Variants in LHFPL6 observed in about 807,000 individuals in gnomAD.
LHFPL6 encodes LHFPL tetraspan subfamily member 6 protein.
LHFPL6 carries 9 observed loss-of-function variants against 20.6 expected under a neutral mutation model. The observed-to-expected ratio is 0.44, with a 90% CI of 0.26 to 0.76. The LOEUF (loss-of-function observed/expected upper bound fraction) is 0.76, where lower values mean the gene tolerates loss of function less well. Among genes scored for constraint, LHFPL6 ranks in the 30% least tolerant of loss-of-function variants. The pLI, the probability that LHFPL6 is intolerant of heterozygous loss-of-function variation, is 0.20. For synonymous variants in LHFPL6, 105 were observed against 98.7 expected, an observed-to-expected ratio of 1.06 and a Z score of -0.38; for missense variants, 218 against 253.5, an observed-to-expected ratio of 0.86 and a Z score of 0.95.
intron 2 of LHFPL6, among the ~76,000 whole-genome samples, chr13:39,397,792 T>C (rs1264851009): frequency 1.3e-5 from 2 of 152,194 alleles, no homozygotes; most frequent in Non-Finnish European, 2.9e-5. Context: ...ATTTCCGTTG[T>C]CTTCCTTTTG....
At chr13:39,546,137 C>A (rs540170934) in intron 2 of LHFPL6, among the ~76,000 whole-genome samples, 1 of 151,994 alleles carries the variant, frequency 6.6e-6, no homozygotes, top group Admixed American at 6.6e-5. Flanking sequence ...CCATGGTAAG[C>A]CCCCAATAAA....
intron 2 of LHFPL6, among the ~76,000 whole-genome samples, chr13:39,400,265 G>A (rs1870951167): frequency 6.6e-6 from 1 of 152,050 alleles, no homozygotes; most frequent in African/African-American, 2.4e-5. Flanking sequence ...TACTAACTTG[G>A]AAAAAACACT....
intron 2 of LHFPL6, among the ~76,000 whole-genome samples, chr13:39,452,425 G>C (rs768927400): frequency 6.6e-6 from 1 of 152,186 alleles, no homozygotes; most frequent in Non-Finnish European, 1.5e-5. Flanking sequence ...CTTCAACTTA[G>C]AGAAGAGAAA....
At chr13:39,384,939 C>A (rs999360479) in intron 2 of LHFPL6, among the ~76,000 whole-genome samples, 1 of 152,132 alleles carries the variant, frequency 6.6e-6, no homozygotes, top group Non-Finnish European at 1.5e-5. Flanking sequence ...AGTCAGCAAC[C>A]AGAGGAAGGT....
At chr13:39,389,592 GT>G in intron 2 of LHFPL6, among the ~76,000 whole-genome samples, 1 of 152,236 alleles carries the variant, frequency 6.6e-6, no homozygotes, top group African/African-American at 2.4e-5. Flanking sequence ...CAGGGCCAGT[GT>G]GAACAAAGCC....
chr13:39,522,402 A>T (rs1418259382), intron 2 of LHFPL6, among the ~76,000 whole-genome samples: 1 of 151,618 alleles, frequency 6.6e-6, no homozygotes, highest in East Asian at 1.9e-4. Context: ...CACTGTTGTT[A>T]GCATGGCCAA....
chr13:39,490,031 G>A (rs1210655553), intron 2 of LHFPL6, among the ~76,000 whole-genome samples: 2 of 152,070 alleles, frequency 1.3e-5, no homozygotes, highest in African/African-American at 2.4e-5. Flanking sequence ...AATCCAAACT[G>A]CTATTCTTTT....
At chr13:39,595,214 C>T (rs1345100812) in intron 2 of LHFPL6, among the ~76,000 whole-genome samples, 1 of 152,178 alleles carries the variant, frequency 6.6e-6, no homozygotes. Context: ...ATTAATTCCT[C>T]AACATCCTTG....
chr13:39,601,173 A>AGCAAAGCCCAGATG lies in LHFPL6; in HGVS notation c.43_44insCATCTGGGCTTTGC (p.Leu15ProfsTer52). 6.2e-7 allele frequency: 1 copy of AGCAAAGCCCAGATG among 1,614,030 alleles called. No homozygotes were observed. Among genetic ancestry groups the AGCAAAGCCCAGATG allele is most frequent in the Non-Finnish European group, 8.5e-7 (1 of 1,179,986 alleles). ...GGAGGTGGCAGCACAAAGAAAAGAC[A>AGCAAAGCCCAGATG]GCAAAGCCCAGATTACTCCAGTACA... On this transcript the variant is annotated frameshift_variant, in exon 2 of 4. Transcript: ENST00000379589. LOFTEE classifies it high-confidence loss of function.
chr13:39,352,598 T>C (rs1593281553), intron 3 of LHFPL6, among the ~76,000 whole-genome samples: 1 of 152,190 alleles, frequency 6.6e-6, no homozygotes, highest in East Asian at 1.9e-4. Context: ...TGAGCACCCA[T>C]AATGCCTTGT....
intron 2 of LHFPL6, among the ~76,000 whole-genome samples, chr13:39,588,918 T>C (rs1872528669): frequency 6.6e-6 from 1 of 152,208 alleles, no homozygotes; most frequent in Admixed American, 6.5e-5. Context: ...AAAATGAAAC[T>C]TTCTTTTTTA....
intron 2 of LHFPL6, among the ~76,000 whole-genome samples, chr13:39,386,156 T>C (rs1453217007): frequency 6.6e-6 from 1 of 152,252 alleles, no homozygotes; most frequent in Non-Finnish European, 1.5e-5. Flanking sequence ...TCTGAACTTC[T>C]CTTTGGAAGA....
intron 2 of LHFPL6, among the ~76,000 whole-genome samples, chr13:39,415,513 A>C (rs999803506): frequency 9.6e-5 from 14 of 145,874 alleles, no homozygotes; most frequent in South Asian, 2.2e-4. Flanking sequence ...AAAAAAAAAA[A>C]CAAAAAACAA....
At chr13:39,578,366 A>G (rs933558706) in intron 2 of LHFPL6, among the ~76,000 whole-genome samples, 4 of 152,230 alleles carry the variant, frequency 2.6e-5, no homozygotes, top group Admixed American at 2.6e-4. Context: ...GAGTGCAACT[A>G]AAGTAGGAAC....
At chr13:39,408,156 A>G (rs1340849215) in intron 2 of LHFPL6, among the ~76,000 whole-genome samples, 1 of 152,256 alleles carries the variant, frequency 6.6e-6, no homozygotes, top group Non-Finnish European at 1.5e-5. Flanking sequence ...AGTGTCAAAA[A>G]CTATTGAATA....
intron 2 of LHFPL6, among the ~76,000 whole-genome samples, chr13:39,539,247 A>G (rs953602205): frequency 1.3e-5 from 2 of 152,084 alleles, no homozygotes; most frequent in Admixed American, 1.3e-4. Flanking sequence ...ATGGTTTCAT[A>G]TTATCTGCCA....
At chr13:39,383,326 G>A (rs1187650029) in intron 2 of LHFPL6, among the ~76,000 whole-genome samples, 1 of 152,204 alleles carries the variant, frequency 6.6e-6, no homozygotes, top group Non-Finnish European at 1.5e-5. Context: ...AGTGGAGAGG[G>A]AGCACAGGTC....
In LHFPL6 at chr13:39,593,699, T is replaced by C. The variant is rs373210019; in HGVS notation, c.385+7133A>G. ...AAGAACAAAGCTGGAGGCATCACAC[T>C]ACCTGACTTCAAACTATACTACAAG... On this transcript the variant is annotated intron_variant, in intron 2 of 3. Transcript: ENST00000379589. Among the ~76,000 whole-genome samples, 25 of 152,244 alleles carry C rather than the reference T, an allele frequency of 1.6e-4. 1 individual carries two copies. The East Asian group carries it at 1.9e-3, about 12-fold the overall frequency.
At chr13:39,569,452 A>G (rs1871843563) in intron 2 of LHFPL6, among the ~76,000 whole-genome samples, 2 of 152,178 alleles carry the variant, frequency 1.3e-5, no homozygotes, top group African/African-American at 4.8e-5. Context: ...TTTTGGAAAT[A>G]CAGGTCAATA....
Sources: gnomAD v4.1 joint callset for allele counts (sites outside exome capture counted in the v4.1 genomes callset) on GRCh38, gnomAD v4.1.1 for gene constraint, MANE v1.5 for transcripts, NCBI Gene and HGNC (gene_info 2026-07-23, HGNC 2026-07-21) for gene names.